GRIP1: variants seen among roughly 807,000 people sequenced by gnomAD.
GRIP1 encodes glutamate receptor-interacting protein 1.
Under a neutral mutation model 129.9 loss-of-function variants are expected in GRIP1, and 45 were observed. That is an observed-to-expected ratio of 0.35 (90% CI 0.27 to 0.44). The LOEUF (loss-of-function observed/expected upper bound fraction) is 0.44. GRIP1 is among the 20% of genes least tolerant of loss of function. The pLI, the probability that GRIP1 is intolerant of heterozygous loss-of-function variation, is 1.00. For synonymous variants in GRIP1, 530 were observed against 520.8 expected, an observed-to-expected ratio of 1.02 and a Z score of -0.24; for missense variants, 1,196 against 1,396.8, an observed-to-expected ratio of 0.86 and a Z score of 2.29.
At chr12:66,873,809 T>A (rs2040336847) in intron 1 of GRIP1, among the ~76,000 whole-genome samples, 2 of 152,114 alleles carry the variant, frequency 1.3e-5, no homozygotes, top group Admixed American at 6.6e-5. Flanking sequence ...ATCATGTTCA[T>A]GTATTTCCTA....
chr12:66,960,015 T>C (rs1354296239), intron 1 of GRIP1, among the ~76,000 whole-genome samples: 1 of 152,162 alleles, frequency 6.6e-6, no homozygotes, highest in East Asian at 1.9e-4. Flanking sequence ...ATTCTAGTCA[T>C]GTGCAGAGAC....
chr12:66,639,270 G>A (rs2031705174), intron 1 of GRIP1, among the ~76,000 whole-genome samples: 1 of 152,142 alleles, frequency 6.6e-6, no homozygotes. Context: ...GAAGAAGTGA[G>A]TACTGAGGCA....
intron 4 of GRIP1, among the ~76,000 whole-genome samples, chr12:66,537,107 T>C (rs763375206): frequency 5.9e-5 from 9 of 152,154 alleles, no homozygotes; most frequent in Non-Finnish European, 1.0e-4. Flanking sequence ...TCTTGTAGTG[T>C]TGATTGCCTT....
At chr12:67,041,320 G>A (rs557789624) in intron 1 of GRIP1, among the ~76,000 whole-genome samples, 10 of 151,646 alleles carry the variant, frequency 6.6e-5, no homozygotes, top group African/African-American at 1.9e-4. Context: ...ATATATACAC[G>A]TGTGTATGTG....
chr12:66,474,735 A>G (rs1173844639), intron 7 of GRIP1, among the ~76,000 whole-genome samples: 1 of 152,208 alleles, frequency 6.6e-6, no homozygotes, highest in African/African-American at 2.4e-5. Context: ...ACTAAGCTTC[A>G]TAAGTGAAGG....
chr12:67,022,488 T>C (rs1382064580), intron 1 of GRIP1, among the ~76,000 whole-genome samples: 1 of 152,180 alleles, frequency 6.6e-6, no homozygotes, highest in Non-Finnish European at 1.5e-5. Flanking sequence ...TAGGTAAAAT[T>C]TTAACTATTC....
chr12:66,866,841 A>T (rs975030079), intron 1 of GRIP1, among the ~76,000 whole-genome samples: 16 of 152,190 alleles, frequency 1.1e-4, no homozygotes, highest in African/African-American at 3.9e-4. Flanking sequence ...AAAAACAATA[A>T]TGTGATGTAA....
intron 9 of GRIP1, among the ~76,000 whole-genome samples, chr12:66,456,960 G>C (rs2058985218): frequency 6.6e-6 from 1 of 151,956 alleles, no homozygotes; most frequent in African/African-American, 2.4e-5. Flanking sequence ...GAAGATAAAA[G>C]TCTCTATATT....
intron 7 of GRIP1, among the ~76,000 whole-genome samples, chr12:66,506,523 C>A (rs114434644): frequency 0.022 from 3,355 of 152,158 alleles, 111 homozygotes; most frequent in African/African-American, 0.077. Flanking sequence ...ACAGGGGTTA[C>A]ACATGGGGAA....
intron 13 of GRIP1, among the ~76,000 whole-genome samples, chr12:66,441,410 C>T (rs1266824328): frequency 1.3e-5 from 2 of 152,130 alleles, no homozygotes; most frequent in East Asian, 3.9e-4. Flanking sequence ...TTAGGGGTCT[C>T]CTTTTTTCCT....
At chr12:66,949,758 TC>T (rs2041725783) in intron 1 of GRIP1, among the ~76,000 whole-genome samples, 4 of 131,722 alleles carry the variant, frequency 3.0e-5, no homozygotes, top group African/African-American at 1.1e-4. Flanking sequence ...TGCATGCTCC[TC>T]CTTTTTTTTT....
chr12:66,737,743 AT>A (rs1485443117), intron 1 of GRIP1, among the ~76,000 whole-genome samples: 2 of 151,928 alleles, frequency 1.3e-5, no homozygotes, highest in African/African-American at 4.8e-5. Context: ...TATTTTGCCC[AT>A]TCTTTCCACA....
At chr12:66,625,105 T>C (rs2029876615) in intron 1 of GRIP1, among the ~76,000 whole-genome samples, 1 of 152,084 alleles carries the variant, frequency 6.6e-6, no homozygotes, top group African/African-American at 2.4e-5. Context: ...AGACATATGT[T>C]ATTATCTGTC....
intron 1 of GRIP1, among the ~76,000 whole-genome samples, chr12:66,617,665 C>T (rs920076253): frequency 6.6e-6 from 1 of 151,860 alleles, no homozygotes; most frequent in Admixed American, 6.6e-5. Context: ...GGGATATTAA[C>T]TTATTCTTGA....
intron 1 of GRIP1, among the ~76,000 whole-genome samples, chr12:66,859,272 AAAACAAAAAAACAAAAAAAC>A (rs2040063679): frequency 2.0e-5 from 1 of 50,842 alleles, no homozygotes; most frequent in Non-Finnish European, 3.6e-5. Flanking sequence ...AAAAAACAAA[AAAACAAAAAAACAAAAAAAC>A]AAAAAAACAA....
chr12:66,539,324 G>A (rs2061700558), intron 3 of GRIP1, 101 bp from the exon 4 acceptor site: 1 of 1,505,672 alleles, frequency 6.6e-7, no homozygotes, highest in Admixed American at 1.7e-5. Flanking sequence ...AAGTGTAGAA[G>A]CAAGCCTAGA....
At chr12:66,519,250 T>C (rs1365195341) in intron 5 of GRIP1, among the ~76,000 whole-genome samples, 1 of 152,264 alleles carries the variant, frequency 6.6e-6, no homozygotes, top group East Asian at 1.9e-4. Flanking sequence ...AAAGCTCTCA[T>C]TCAGTATTTT....
chr12:66,418,791 T>C (rs1433326553), intron 15 of GRIP1, among the ~76,000 whole-genome samples: 1 of 152,042 alleles, frequency 6.6e-6, no homozygotes, highest in East Asian at 1.9e-4. Flanking sequence ...AGACAGGCAA[T>C]AACAAATGCT....
intron 1 of GRIP1, among the ~76,000 whole-genome samples, chr12:66,623,235 T>A (rs936989788): frequency 3.3e-5 from 5 of 152,178 alleles, no homozygotes. Context: ...TAATAATTTA[T>A]CTTCAATGAA....
Sources: allele counts gnomAD v4.1 joint callset (sites outside exome capture counted in the v4.1 genomes callset), GRCh38; gene constraint gnomAD v4.1.1; transcripts MANE v1.5; gene names NCBI Gene and HGNC (gene_info 2026-07-23, HGNC 2026-07-21).